The following GRIK2 variants were observed in gnomAD, a reference collection of about 807,000 sequenced individuals.
GRIK2 encodes glutamate receptor ionotropic, kainate 2.
A neutral mutation model predicts 100.3 loss-of-function variants in GRIK2; 32 were observed. The observed-to-expected ratio is 0.32, with a 90% CI of 0.24 to 0.43. The LOEUF is 0.43. GRIK2 is among the 20% of genes least tolerant of loss of function. The pLI, the probability that GRIK2 is intolerant of heterozygous loss-of-function variation, is 1.00. For synonymous variants in GRIK2, 417 were observed against 389.4 expected (o/e 1.07, Z -0.83); for missense variants, 843 against 1,114.9 (o/e 0.76, Z 3.47).
chr6:102,019,817 T>A (rs972770750), intron 14 of GRIK2, among the ~76,000 whole-genome samples: 2 of 152,006 alleles, frequency 1.3e-5, no homozygotes, highest in Non-Finnish European at 2.9e-5. Flanking sequence ...CCTTTTTAAA[T>A]TAACCATCTA....
chr6:101,918,585 G>C (rs9498744), intron 12 of GRIK2, among the ~76,000 whole-genome samples: 30 of 151,574 alleles, frequency 2.0e-4, no homozygotes, highest in Non-Finnish European at 4.4e-5. Context: ...GTTTGAAAAC[G>C]GCTTTGCACA....
At chr6:101,615,494 A>G (rs978487138) in intron 2 of GRIK2, among the ~76,000 whole-genome samples, 6 of 151,780 alleles carry the variant, frequency 4.0e-5, no homozygotes, top group Non-Finnish European at 8.8e-5. Context: ...AAAATTATTG[A>G]TTACTAAGAT....
intron 12 of GRIK2, among the ~76,000 whole-genome samples, chr6:101,903,264 T>C (rs966618120): frequency 3.3e-5 from 5 of 151,896 alleles, no homozygotes; most frequent in Admixed American, 3.3e-4. Context: ...CTTCAGTTCT[T>C]TTGTTAGAAA....
intron 14 of GRIK2, among the ~76,000 whole-genome samples, chr6:101,961,855 T>C (rs1792323804): frequency 1.3e-5 from 2 of 152,110 alleles, no homozygotes; most frequent in Non-Finnish European, 2.9e-5. Flanking sequence ...AGGGATCTAC[T>C]GGTGTTGAGG....
At chr6:101,976,570 C>T (rs1793394009) in intron 14 of GRIK2, among the ~76,000 whole-genome samples, 1 of 151,766 alleles carries the variant, frequency 6.6e-6, no homozygotes, top group Admixed American at 6.6e-5. Context: ...ACTTGCATTC[C>T]CAGCTATTTG....
At chr6:101,636,088 CAG>C in intron 4 of GRIK2, among the ~76,000 whole-genome samples, 1 of 152,054 alleles carries the variant, frequency 6.6e-6, no homozygotes, top group African/African-American at 2.4e-5. Flanking sequence ...ATAGCAAAGA[CAG>C]AATCAACCCA....
intron 2 of GRIK2, among the ~76,000 whole-genome samples, chr6:101,492,826 T>A (rs897500150): frequency 6.6e-6 from 1 of 151,998 alleles, no homozygotes; most frequent in African/African-American, 2.4e-5. Flanking sequence ...GAATCAGACC[T>A]TCGCAGACTG....
intron 2 of GRIK2, among the ~76,000 whole-genome samples, chr6:101,453,322 G>C (rs1038995579): frequency 6.6e-6 from 1 of 151,348 alleles, no homozygotes; most frequent in African/African-American, 2.4e-5. Flanking sequence ...GACTTTATTT[G>C]CTTTAATGCT....
At chr6:101,626,915 TA>T (rs1198198737) in intron 4 of GRIK2, among the ~76,000 whole-genome samples, 1 of 151,912 alleles carries the variant, frequency 6.6e-6, no homozygotes, top group African/African-American at 2.4e-5. Context: ...ATAGATGTAG[TA>T]AACAATATTA....
At chr6:102,065,523 C>T (rs1582814099) in intron 16 of GRIK2, among the ~76,000 whole-genome samples, 1 of 151,356 alleles carries the variant, frequency 6.6e-6, no homozygotes, top group East Asian at 1.9e-4. Flanking sequence ...AAGTTAGTTA[C>T]TTAGCCTACT....
chr6:101,682,673 G>GT (rs1192999429), intron 6 of GRIK2, 67 bp downstream of exon 6: 17 of 731,698 alleles, frequency 2.3e-5, no homozygotes, highest in African/African-American at 5.4e-5. Context: ...TGAAAAATAG[G>GT]TTTTTTAGTA....
At chr6:101,894,481 G>T (rs377094280) in intron 12 of GRIK2, among the ~76,000 whole-genome samples, 6 of 151,618 alleles carry the variant, frequency 4.0e-5, no homozygotes, top group African/African-American at 1.4e-4. Context: ...TCTAATGGTA[G>T]CTCTTTGCTG....
intron 4 of GRIK2, among the ~76,000 whole-genome samples, chr6:101,663,016 GATAAA>G (rs1229051615): frequency 1.3e-5 from 2 of 152,178 alleles, no homozygotes; most frequent in African/African-American, 4.8e-5. Flanking sequence ...GGGACAAGAA[GATAAA>G]ATAAAACCTG....
At chr6:101,717,698 T>G (rs946779611) in intron 7 of GRIK2, among the ~76,000 whole-genome samples, 1 of 151,838 alleles carries the variant, frequency 6.6e-6, no homozygotes, top group Non-Finnish European at 1.5e-5. Context: ...CGGTACTGAA[T>G]ATGTACTGAA....
intron 4 of GRIK2, among the ~76,000 whole-genome samples, chr6:101,646,305 T>A (rs1781524980): frequency 6.6e-6 from 1 of 151,966 alleles, no homozygotes; most frequent in Non-Finnish European, 1.5e-5. Context: ...AGAAAGTTTT[T>A]GTATCTTCTT....
chr6:101,792,642 T>C (rs1362703792), intron 7 of GRIK2, among the ~76,000 whole-genome samples: 1 of 152,152 alleles, frequency 6.6e-6, no homozygotes, highest in Non-Finnish European at 1.5e-5. Context: ...CCGTTAACAT[T>C]TTTTCCTTCA....
At chr6:101,525,820 G>A in intron 2 of GRIK2, among the ~76,000 whole-genome samples, 1 of 152,134 alleles carries the variant, frequency 6.6e-6, no homozygotes, top group African/African-American at 2.4e-5. Flanking sequence ...CATGAGGGAG[G>A]ATTATCCAGT....
intron 14 of GRIK2, chr6:101,993,780 T>C (rs993051245): frequency 4.7e-5 from 7 of 148,412 alleles, no homozygotes; most frequent in Non-Finnish European, 9.0e-5. Flanking sequence ...TGCATGCTTC[T>C]ATATATATAT....
At chr6:101,815,856 A>T (rs1248424253) in intron 9 of GRIK2, among the ~76,000 whole-genome samples, 1 of 152,152 alleles carries the variant, frequency 6.6e-6, no homozygotes, top group Non-Finnish European at 1.5e-5. Flanking sequence ...ATATTTCTGA[A>T]ATGTCATAAT....
Sources: gnomAD v4.1 joint callset for allele counts (sites outside exome capture counted in the v4.1 genomes callset) on GRCh38, gnomAD v4.1.1 for gene constraint, MANE v1.5 for transcripts, NCBI Gene and HGNC (gene_info 2026-07-23, HGNC 2026-07-21) for gene names.